FYN: variants seen among roughly 807,000 people sequenced by gnomAD.
FYN encodes FYN proto-oncogene, Src family tyrosine kinase.
A neutral mutation model predicts 70.2 loss-of-function variants in FYN; 10 were observed. The observed-to-expected ratio is 0.14, with a 90% CI of 0.09 to 0.24. The LOEUF is 0.24. Ranked by LOEUF, FYN falls within the 10% of genes least tolerant of loss-of-function variation. FYN has a pLI of 1.00. For missense variants in FYN, 319 were observed against 673.1 expected, an observed-to-expected ratio of 0.47 and a Z score of 5.82; for synonymous variants, 236 against 248.6, an observed-to-expected ratio of 0.95 and a Z score of 0.48.
chr6:111,757,860 G>C (rs963980392), intron 3 of FYN, among the ~76,000 whole-genome samples: 3 of 152,188 alleles, frequency 2.0e-5, no homozygotes, highest in Admixed American at 6.5e-5. Flanking sequence ...CATCGGCATG[G>C]GGGCCTGGTC....
intron 5 of FYN, among the ~76,000 whole-genome samples, chr6:111,714,013 C>G (rs1020884205): frequency 1.3e-5 from 2 of 152,230 alleles, no homozygotes; most frequent in Non-Finnish European, 2.9e-5. Context: ...AAGGCTTGTG[C>G]CAATCACTTG....
chr6:111,743,704 T>C (rs764409360), intron 3 of FYN, among the ~76,000 whole-genome samples: 17 of 152,132 alleles, frequency 1.1e-4, no homozygotes, highest in Non-Finnish European at 2.1e-4. Flanking sequence ...ATCCCAGAGA[T>C]CGGTACCAGC....
chr6:111,665,621 TA>T (rs1797961061), intron 13 of FYN, among the ~76,000 whole-genome samples: 2 of 100,836 alleles, frequency 2.0e-5, no homozygotes, highest in African/African-American at 1.1e-4. Context: ...TTTTATTTTT[TA>T]TTTATTTATT....
chr6:111,746,717 T>G (rs1384016916), intron 3 of FYN, among the ~76,000 whole-genome samples: 2 of 152,176 alleles, frequency 1.3e-5, no homozygotes, highest in Non-Finnish European at 2.9e-5. Flanking sequence ...CTATTCTCTA[T>G]GCTATCAGGC....
At chr6:111,852,433 A>G (rs1429016719) in intron 1 of FYN, among the ~76,000 whole-genome samples, 1 of 152,222 alleles carries the variant, frequency 6.6e-6, no homozygotes, top group African/African-American at 2.4e-5. Flanking sequence ...GTGTGGAGAC[A>G]GGTAGTATTG....
chr6:111,710,386 T>C (rs2128453392), intron 5 of FYN, among the ~76,000 whole-genome samples: 1 of 152,334 alleles, frequency 6.6e-6, no homozygotes, highest in South Asian at 2.1e-4. Context: ...CCAATTCAAA[T>C]CTAGCATTAA....
At chr6:111,701,243 T>A (rs748231497) in intron 8 of FYN, among the ~76,000 whole-genome samples, 1 of 152,166 alleles carries the variant, frequency 6.6e-6, no homozygotes, top group Non-Finnish European at 1.5e-5. Flanking sequence ...GGAACTTAAA[T>A]GCCAAGTAAA....
At chr6:111,821,165 C>G (rs1025130303) in intron 2 of FYN, among the ~76,000 whole-genome samples, 1 of 151,918 alleles carries the variant, frequency 6.6e-6, no homozygotes, top group Admixed American at 6.6e-5. Flanking sequence ...AAAAAGAGCC[C>G]GCATTGCCAA....
chr6:111,770,383 G>C (rs1803399092), intron 3 of FYN, among the ~76,000 whole-genome samples: 1 of 152,208 alleles, frequency 6.6e-6, no homozygotes. Flanking sequence ...CTATTGGACA[G>C]TGCTGATTCA....
At chr6:111,789,077 A>G (rs1291593428) in intron 2 of FYN, among the ~76,000 whole-genome samples, 1 of 152,214 alleles carries the variant, frequency 6.6e-6, no homozygotes, top group Non-Finnish European at 1.5e-5. Context: ...TGAATAGAAA[A>G]AGAGATAAGC....
chr6:111,794,823 A>G (rs1771750860), intron 2 of FYN, among the ~76,000 whole-genome samples: 1 of 152,162 alleles, frequency 6.6e-6, no homozygotes, highest in Non-Finnish European at 1.5e-5. Context: ...CTGGCCCTTT[A>G]CAGAAAATGT....
At chr6:111,714,907 A>T (rs568082987) in intron 4 of FYN, among the ~76,000 whole-genome samples, 2 of 152,266 alleles carry the variant, frequency 1.3e-5, no homozygotes, top group East Asian at 3.9e-4. Flanking sequence ...GTAATAGGAA[A>T]TGCCTCCTGC....
chr6:111,838,972 TC>T (rs992885151), intron 2 of FYN, among the ~76,000 whole-genome samples: 4 of 152,230 alleles, frequency 2.6e-5, no homozygotes, highest in Non-Finnish European at 5.9e-5. Flanking sequence ...TTCCTTTTAC[TC>T]TGGGCTCAAG....
chr6:111,811,199 C>T (rs910777304), intron 2 of FYN, among the ~76,000 whole-genome samples: 1 of 152,144 alleles, frequency 6.6e-6, no homozygotes, highest in East Asian at 1.9e-4. Flanking sequence ...GTTTTTAATG[C>T]TGTATGATTT....
chr6:111,861,634 T>C (rs1773966297), intron 1 of FYN, among the ~76,000 whole-genome samples: 1 of 152,142 alleles, frequency 6.6e-6, no homozygotes, highest in Non-Finnish European at 1.5e-5. Context: ...CCAGATACAT[T>C]AAACCTGGCA....
At chr6:111,684,717 T>C (rs1282551772) in intron 12 of FYN, among the ~76,000 whole-genome samples, 1 of 152,116 alleles carries the variant, frequency 6.6e-6, no homozygotes, top group Non-Finnish European at 1.5e-5. Context: ...GGGTAACTTA[T>C]GGGGGCAACA....
At chr6:111,865,870 C>T (rs1028586396) in intron 1 of FYN, among the ~76,000 whole-genome samples, 8 of 152,182 alleles carry the variant, frequency 5.3e-5, no homozygotes, top group Middle Eastern at 3.2e-3. Context: ...CGTCAGAATG[C>T]TTTCATGTTT....
chr6:111,864,789 G>C (rs187279479), intron 1 of FYN, among the ~76,000 whole-genome samples: 127 of 152,338 alleles, frequency 8.3e-4, no homozygotes, highest in Non-Finnish European at 1.3e-3. Context: ...AAGCAGGAAA[G>C]AGTTTAGCAG....
chr6:111,860,536 A>T (rs1773934914), intron 1 of FYN, among the ~76,000 whole-genome samples: 1 of 152,216 alleles, frequency 6.6e-6, no homozygotes, highest in Non-Finnish European at 1.5e-5. Context: ...GGAAAGCAGT[A>T]GGGCTTGCCT....
Sources: gnomAD v4.1 joint callset for allele counts (sites outside exome capture counted in the v4.1 genomes callset) on GRCh38, gnomAD v4.1.1 for gene constraint, MANE v1.5 for transcripts, NCBI Gene and HGNC (gene_info 2026-07-23, HGNC 2026-07-21) for gene names.